The following RAD51B variants were observed in gnomAD, a reference collection of about 807,000 sequenced individuals.
RAD51B encodes RAD51 paralog B, also known as DNA repair protein RAD51 homolog 2.
In RAD51B, 38 loss-of-function variants were observed where a neutral mutation model predicts 42.2. The observed-to-expected ratio is 0.90, with a 90% CI of 0.70 to 1.18. RAD51B has a LOEUF of 1.18. Among genes scored for constraint, RAD51B ranks in the 50% most tolerant of loss-of-function variants. The pLI is 0.00. For missense variants in RAD51B, 373 were observed against 400.7 expected (o/e 0.93, Z 0.59); for synonymous variants, 154 against 145.2 (o/e 1.06, Z -0.43).
chr14:68,598,779 C>T (rs1419741974), downstream of RAD51B, among the ~76,000 whole-genome samples: 2 of 152,192 alleles, frequency 1.3e-5, no homozygotes, highest in African/African-American at 4.8e-5. Flanking sequence ...GTGTCAGGTT[C>T]CCCCTTTTCT....
chr14:68,054,804 A>G lies in RAD51B; in HGVS notation c.756+167600A>G, dbSNP rs1297338679. ...GTCCGTTGGAAGCATAGGCAAGACA[A>G]CCTGGGGCTTGTGATTGATCATCAG... On this transcript the variant is annotated intron_variant, in intron 7 of 10. Coordinates refer to ENST00000471583, the MANE Select transcript of RAD51B (RefSeq NM_133510.4). Among the ~76,000 whole-genome samples, 3 of 152,130 alleles carry G rather than the reference A, an allele frequency of 2.0e-5. No individual in the cohort carries two copies. In the East Asian group the frequency reaches 5.8e-4, roughly 29 times the overall value.
chr14:68,377,936 A>G (rs1238390106), intron 8 of RAD51B, among the ~76,000 whole-genome samples: 1 of 152,234 alleles, frequency 6.6e-6, no homozygotes, highest in Non-Finnish European at 1.5e-5. Context: ...TTAAATCATA[A>G]AGACAATACT....
chr14:67,873,507 A>C (rs994141867), intron 5 of RAD51B, among the ~76,000 whole-genome samples: 3 of 150,484 alleles, frequency 2.0e-5, no homozygotes, highest in African/African-American at 7.3e-5. Context: ...AAACTAGTTC[A>C]ACCATTGTGG....
At chr14:67,916,442 A>T (rs921858298) in intron 7 of RAD51B, among the ~76,000 whole-genome samples, 1 of 152,024 alleles carries the variant, frequency 6.6e-6, no homozygotes, top group African/African-American at 2.4e-5. Context: ...GGGTTTCGCC[A>T]TGTTGCCCAG....
intron 2 of RAD51B, among the ~76,000 whole-genome samples, chr14:67,824,053 T>C (rs2040725358): frequency 6.6e-6 from 1 of 152,200 alleles, no homozygotes; most frequent in South Asian, 2.1e-4. Flanking sequence ...AAATCCTCCT[T>C]AGCAGGGTAA....
intron 10 of RAD51B, among the ~76,000 whole-genome samples, chr14:68,624,256 T>C (rs902989338): frequency 6.6e-6 from 1 of 152,120 alleles, no homozygotes; most frequent in Non-Finnish European, 1.5e-5. Context: ...TCACTTTACA[T>C]TGTGGGGATA....
intron 7 of RAD51B, among the ~76,000 whole-genome samples, chr14:67,920,038 C>G (rs2044271632): frequency 6.6e-6 from 1 of 152,006 alleles, no homozygotes; most frequent in Non-Finnish European, 1.5e-5. Context: ...TAAAATCCAT[C>G]TATATATTGA....
intron 8 of RAD51B, among the ~76,000 whole-genome samples, chr14:68,380,667 T>C (rs746532049): frequency 1.1e-4 from 17 of 152,218 alleles, no homozygotes; most frequent in Non-Finnish European, 2.4e-4. Flanking sequence ...GCCTGTGCCA[T>C]AACTCACTCA....
At position 68,330,919 on chromosome 14, in the gene RAD51B, C is replaced by G. The variant is rs181375610; in HGVS notation, c.853+38939C>G. On this transcript the variant is annotated intron_variant, in intron 8 of 10. Coordinates refer to ENST00000471583, the MANE Select transcript of RAD51B (RefSeq NM_133510.4). ...GAATCAGGAGCATTTAATGTCAGCT[C>G]TAGTATGTATGTGGCATATTTCCTA... Among the ~76,000 whole-genome samples, 3 of 152,096 alleles carry G rather than the reference C, an allele frequency of 2.0e-5. No individual in the cohort carries two copies. The East Asian group carries it at 5.8e-4, about 29-fold the overall frequency.
intron 10 of RAD51B, among the ~76,000 whole-genome samples, chr14:68,602,545 G>GATAGATAGATAT (rs1316522987): frequency 6.6e-6 from 1 of 152,062 alleles, no homozygotes. Context: ...TAGATAGATA[G>GATAGATAGATAT]ATAATACATG....
At chr14:68,596,010 A>G (rs1400500944), downstream of RAD51B, 10 of 1,030,884 alleles carry the variant, frequency 9.7e-6, no homozygotes, top group Non-Finnish European at 1.2e-5. Context: ...AAATCAGGGG[A>G]AAAATACATT....
chr14:68,294,282 T>G (rs1448377421), intron 8 of RAD51B, among the ~76,000 whole-genome samples: 1 of 111,074 alleles, frequency 9.0e-6, no homozygotes, highest in East Asian at 2.3e-4. Context: ...AGAATGGAAA[T>G]AATTGATTTT....
chr14:68,613,962 CAA>C (rs775197508), downstream of RAD51B, among the ~76,000 whole-genome samples: 1 of 152,168 alleles, frequency 6.6e-6, no homozygotes, highest in Non-Finnish European at 1.5e-5. Context: ...TGCGTAAAAT[CAA>C]AAGAGTGGTG....
intron 8 of RAD51B, among the ~76,000 whole-genome samples, chr14:68,343,080 G>A (rs1328731621): frequency 6.7e-6 from 1 of 148,872 alleles, no homozygotes; most frequent in Non-Finnish European, 1.5e-5. Context: ...AATATAATAT[G>A]GGATAATTAA....
At chr14:68,094,506 A>G (rs1371667475) in intron 7 of RAD51B, among the ~76,000 whole-genome samples, 1 of 152,248 alleles carries the variant, frequency 6.6e-6, no homozygotes, top group Non-Finnish European at 1.5e-5. Context: ...ACACACACAC[A>G]TATATGTAAA....
At chr14:68,357,417 A>C (rs1008162964) in intron 8 of RAD51B, among the ~76,000 whole-genome samples, 8 of 152,032 alleles carry the variant, frequency 5.3e-5, no homozygotes, top group African/African-American at 1.9e-4. Context: ...GAAGGTTAGA[A>C]TCTTATTCCA....
intron 10 of RAD51B, among the ~76,000 whole-genome samples, chr14:68,471,642 G>C (rs111758115): frequency 1.3e-5 from 2 of 151,054 alleles, no homozygotes; most frequent in Non-Finnish European, 1.5e-5. Context: ...TGAAGGAGCC[G>C]GTCCATGCTA....
intron 7 of RAD51B, among the ~76,000 whole-genome samples, chr14:68,187,915 A>G (rs2079189190): frequency 6.6e-6 from 1 of 152,080 alleles, no homozygotes; most frequent in African/African-American, 2.4e-5. Context: ...CCTGGGTCAA[A>G]GCTATTCTCC....
chr14:68,228,912 G>A (rs2080093999), intron 7 of RAD51B, among the ~76,000 whole-genome samples: 1 of 152,160 alleles, frequency 6.6e-6, no homozygotes, highest in South Asian at 2.1e-4. Flanking sequence ...CTGTGAACAT[G>A]GGAATACAGT....
Sources: allele counts gnomAD v4.1 joint callset (sites outside exome capture counted in the v4.1 genomes callset), GRCh38; gene constraint gnomAD v4.1.1; transcripts MANE v1.5; gene names NCBI Gene and HGNC (gene_info 2026-07-23, HGNC 2026-07-21).